ERICH1: variants seen among roughly 807,000 people sequenced by gnomAD.
ERICH1 encodes the protein glutamate-rich protein 1.
A neutral mutation model predicts 39.6 loss-of-function variants in ERICH1; 56 were observed. The ratio of observed to expected loss-of-function variants is 1.41; its 90% CI spans 1.14 to 1.77. The LOEUF is 1.77. ERICH1 is among the 40% of genes most tolerant of loss of function. The pLI is 0.00. For synonymous variants in ERICH1, 313 were observed against 223.6 expected (o/e 1.40, Z -3.57); for missense variants, 826 against 575.4 (o/e 1.44, Z -4.45).
At chr8:632,984 C>T (rs1032482927) in intron 3 of ERICH1, among the ~76,000 whole-genome samples, 2 of 152,156 alleles carry the variant, frequency 1.3e-5, no homozygotes, top group African/African-American at 4.8e-5. Context: ...ACAAAGATGC[C>T]GAGACGCAGG....
chr8:651,805 C>G (rs534471897), intron 3 of ERICH1, among the ~76,000 whole-genome samples: 1 of 152,072 alleles, frequency 6.6e-6, no homozygotes, highest in African/African-American at 2.4e-5. Flanking sequence ...GCCACTCTGA[C>G]ATCATTGTCA....
At chr8:623,397 G>T (rs1031196467) in intron 3 of ERICH1, among the ~76,000 whole-genome samples, 1 of 152,166 alleles carries the variant, frequency 6.6e-6, no homozygotes, top group Non-Finnish European at 1.5e-5. Context: ...TCCTCAGCCT[G>T]ATGCTTATGT....
At chr8:656,464 C>T (rs2131709251) in intron 3 of ERICH1, among the ~76,000 whole-genome samples, 1 of 152,328 alleles carries the variant, frequency 6.6e-6, no homozygotes, top group East Asian at 1.9e-4. Flanking sequence ...TTTGTTTGCC[C>T]CACTTTTTTG....
At chr8:650,898 T>C (rs1459964180) in intron 3 of ERICH1, among the ~76,000 whole-genome samples, 3 of 152,190 alleles carry the variant, frequency 2.0e-5, no homozygotes, top group Non-Finnish European at 2.9e-5. Context: ...GAGAGCTCCT[T>C]GAGTGTGACT....
At chr8:698,483 T>C (rs1810899518) in intron 2 of ERICH1, among the ~76,000 whole-genome samples, 1 of 152,160 alleles carries the variant, frequency 6.6e-6, no homozygotes, top group Non-Finnish European at 1.5e-5. Flanking sequence ...CCTCCTAAAG[T>C]GCTGGGATTA....
At chr8:655,139 G>A (rs4735898) in intron 3 of ERICH1, among the ~76,000 whole-genome samples, 76,749 of 152,062 alleles carry the variant, frequency 0.5, 19,507 homozygotes, top group Non-Finnish European at 0.54. Context: ...CCAAGCCCAC[G>A]CCAAGTCGGC....
At chr8:702,302 ACT>A (rs901380888) in intron 2 of ERICH1, among the ~76,000 whole-genome samples, 1 of 152,082 alleles carries the variant, frequency 6.6e-6, no homozygotes, top group African/African-American at 2.4e-5. Context: ...GACTGCAAAC[ACT>A]CTGTATTAAC....
chr8:624,700 CTT>C (rs201536550), intron 3 of ERICH1, among the ~76,000 whole-genome samples: 1 of 148,984 alleles, frequency 6.7e-6, no homozygotes, highest in South Asian at 2.1e-4. Flanking sequence ...GCGCTACACA[CTT>C]TTTTTTTTAT....
intron 3 of ERICH1, among the ~76,000 whole-genome samples, chr8:624,714 T>TTTATTA (rs1797499025): frequency 6.6e-6 from 1 of 151,690 alleles, no homozygotes. Flanking sequence ...TTTTTTTATA[T>TTTATTA]TTTTTATTTT....
In ERICH1 at chr8:633,077, G is replaced by A. The variant is rs143001289; in HGVS notation, c.977-17793C>T. On this transcript the variant is annotated intron_variant, in intron 3 of 3. Transcript: ENST00000522706. ...ACCAGTGTGGGGCCCGCGCGGGGCC[G>A]CCCAGGACAGACGGAAACCAGTGTG... Among the ~76,000 whole-genome samples, 66 of 152,228 alleles carry A rather than the reference G, an allele frequency of 4.3e-4. No individual in the cohort carries two copies. The East Asian group carries it at 9.9e-3, about 23-fold the overall frequency.
At chr8:710,578 G>T (rs1814499670) in intron 2 of ERICH1, among the ~76,000 whole-genome samples, 1 of 152,242 alleles carries the variant, frequency 6.6e-6, no homozygotes, top group Admixed American at 6.5e-5. Flanking sequence ...TCTTTTTGGG[G>T]TCTCCTCAGT....
intron 3 of ERICH1, chr8:626,235 G>C (rs927669477): frequency 2.6e-5 from 4 of 152,268 alleles, no homozygotes; most frequent in South Asian, 2.1e-4. Context: ...TGGGAGTTAG[G>C]CCTGAGTCTA....
intron 3 of ERICH1, among the ~76,000 whole-genome samples, chr8:630,088 A>G (rs370272252): frequency 1.4e-4 from 16 of 117,678 alleles, no homozygotes; most frequent in African/African-American, 2.7e-4. Flanking sequence ...GCACCCACAC[A>G]GACAGAGCTG....
chr8:718,727 C>A (rs1367928376), intron 1 of ERICH1, among the ~76,000 whole-genome samples: 2 of 152,200 alleles, frequency 1.3e-5, no homozygotes, highest in African/African-American at 4.8e-5. Flanking sequence ...GCCTCACGAC[C>A]TGAAAGCCAG....
At chr8:632,244 T>A (rs1357182349) in intron 3 of ERICH1, among the ~76,000 whole-genome samples, 1 of 152,198 alleles carries the variant, frequency 6.6e-6, no homozygotes, top group Non-Finnish European at 1.5e-5. Context: ...GTGTTTATCT[T>A]GATAACATCT....
intron 3 of ERICH1, among the ~76,000 whole-genome samples, chr8:685,961 A>G (rs534113357): frequency 6.7e-5 from 10 of 149,802 alleles, no homozygotes; most frequent in Non-Finnish European, 1.0e-4. Flanking sequence ...CCTGGCCAAC[A>G]TGGTGAAACC....
intron 3 of ERICH1, among the ~76,000 whole-genome samples, chr8:659,131 AC>A (rs1801082731): frequency 5.8e-5 from 1 of 17,168 alleles, no homozygotes; most frequent in Admixed American, 6.2e-4. Flanking sequence ...CGAGATCTCC[AC>A]GGTGCACTGA....
chr8:726,929 AAC>A (rs1396184046), intron 1 of ERICH1, among the ~76,000 whole-genome samples: 2 of 148,902 alleles, frequency 1.3e-5, no homozygotes, highest in Admixed American at 6.6e-5. Flanking sequence ...CCACATGCAA[AAC>A]ACACATACAT....
intron 2 of ERICH1, among the ~76,000 whole-genome samples, chr8:694,459 C>T (rs1443342212): frequency 2.6e-5 from 4 of 152,300 alleles, no homozygotes; most frequent in Admixed American, 6.5e-5. Flanking sequence ...AGGATGGACA[C>T]GGGAGGGATC....
Sources: gnomAD v4.1 joint callset for allele counts (sites outside exome capture counted in the v4.1 genomes callset) on GRCh38, gnomAD v4.1.1 for gene constraint, MANE v1.5 for transcripts, NCBI Gene and HGNC (gene_info 2026-07-23, HGNC 2026-07-21) for gene names.